The following CELF2 variants were observed in gnomAD, a reference collection of about 807,000 sequenced individuals.
CELF2 encodes the protein CUGBP Elav-like family member 2.
Under a neutral mutation model 62.6 loss-of-function variants are expected in CELF2, and 8 were observed. The ratio of observed to expected loss-of-function variants is 0.13; its 90% CI spans 0.07 to 0.23. The LOEUF is 0.23. Among genes scored for constraint, CELF2 ranks in the 10% least tolerant of loss-of-function variants. CELF2 has a pLI of 1.00. For synonymous variants in CELF2, 258 were observed against 250.0 expected, an observed-to-expected ratio of 1.03 and a Z score of -0.30; for missense variants, 333 against 671.0, an observed-to-expected ratio of 0.50 and a Z score of 5.56.
upstream of CELF2, among the ~76,000 whole-genome samples, chr10:10,797,460 T>C (rs2054213700): frequency 6.6e-6 from 1 of 152,140 alleles, no homozygotes; most frequent in Non-Finnish European, 1.5e-5. Context: ...ATAATAATTG[T>C]TTTATTTTAG....
At chr10:11,233,287 G>T (rs1027946635) in intron 3 of CELF2, among the ~76,000 whole-genome samples, 1 of 152,170 alleles carries the variant, frequency 6.6e-6, no homozygotes, top group Admixed American at 6.5e-5. Flanking sequence ...AGAAACAAAC[G>T]CTGTCTCCTA....
the CELF2 span, among the ~76,000 whole-genome samples, chr10:10,628,740 G>A: frequency 7.6e-4 from 116 of 151,958 alleles, no homozygotes; most frequent in African/African-American, 2.5e-3. Flanking sequence ...GAATAGTGCC[G>A]CAATAAATGC....
chr10:11,089,587 T>C (rs2047751806), intron 1 of CELF2, among the ~76,000 whole-genome samples: 1 of 152,152 alleles, frequency 6.6e-6, no homozygotes, highest in African/African-American at 2.4e-5. Context: ...TATATGGTCT[T>C]TGAAAGAGGT....
At chr10:10,517,174 T>A in the CELF2 span, among the ~76,000 whole-genome samples, 689 of 152,252 alleles carry the variant, frequency 4.5e-3, 4 homozygotes, top group African/African-American at 0.016. Context: ...ATTACTGGAA[T>A]CATAGACAGG....
chr10:11,073,935 A>G (rs1281395070), intron 1 of CELF2, among the ~76,000 whole-genome samples: 1 of 152,216 alleles, frequency 6.6e-6, no homozygotes, highest in Non-Finnish European at 1.5e-5. Context: ...AATTGAGAAT[A>G]TTCTTGTAAT....
At chr10:11,128,966 G>A (rs537820711) in intron 1 of CELF2, among the ~76,000 whole-genome samples, 1 of 152,322 alleles carries the variant, frequency 6.6e-6, no homozygotes, top group South Asian at 2.1e-4. Context: ...AGTTTTCAAA[G>A]GGAATGCTTC....
rs1245625992 is a variant in CELF2 at position 11,165,849 on chromosome 10, G to A, written c.271+167G>A. Reference sequence around the variant, plus strand: ...CAGGGGCTGCTCCCGACTCCTCCCCGCACCCCCGCCCGCCTGCCCGCCGGG... The same window carrying A: ...CAGGGGCTGCTCCCGACTCCTCCCCACACCCCCGCCCGCCTGCCCGCCGGG... On this transcript the variant is annotated intron_variant, in intron 2 of 12. Transcript: ENST00000633077. This position sits in a 1 kb window ranked among gnomAD's most constrained non-coding sequence, Gnocchi z 7.4. Among the ~76,000 whole-genome samples the A allele has an allele frequency of 6.6e-6, 1 of 152,140 alleles. No homozygotes were observed. Among genetic ancestry groups the A allele is most frequent in the African/African-American group, 2.4e-5 (1 of 41,440 alleles).
intron 1 of CELF2, among the ~76,000 whole-genome samples, chr10:11,121,882 G>T (rs565676513): frequency 7.9e-5 from 12 of 152,286 alleles, no homozygotes; most frequent in African/African-American, 2.6e-4. Flanking sequence ...GGAGAGTAGA[G>T]ACGATGTACA....
intron 1 of CELF2, among the ~76,000 whole-genome samples, chr10:11,032,743 A>G (rs553859025): frequency 6.6e-6 from 1 of 152,224 alleles, no homozygotes; most frequent in South Asian, 2.1e-4. Context: ...TAAATAATTG[A>G]CGAAGGTTGC....
At chr10:11,088,769 T>C (rs1042570705) in intron 1 of CELF2, among the ~76,000 whole-genome samples, 2 of 152,154 alleles carry the variant, frequency 1.3e-5, no homozygotes, top group African/African-American at 4.8e-5. Flanking sequence ...ACAGAGATGG[T>C]GGATGGCTTG....
At chr10:11,116,026 A>G (rs1348021846) in intron 1 of CELF2, among the ~76,000 whole-genome samples, 1 of 152,218 alleles carries the variant, frequency 6.6e-6, no homozygotes, top group African/African-American at 2.4e-5. Context: ...TTGGTTTCCA[A>G]ATGATAAATG....
chr10:10,914,719 A>G (rs995516735), intron 1 of CELF2, among the ~76,000 whole-genome samples: 82 of 152,342 alleles, frequency 5.4e-4, no homozygotes, highest in Non-Finnish European at 8.1e-4. Context: ...TATACAACTT[A>G]TCAGAACCAG....
chr10:11,245,302 T>C (rs2075272371), intron 3 of CELF2, among the ~76,000 whole-genome samples: 1 of 152,232 alleles, frequency 6.6e-6, no homozygotes, highest in Non-Finnish European at 1.5e-5. Context: ...ACCCATTTTT[T>C]TGTCTTCCTT....
chr10:11,190,490 A>C (rs1436346403), intron 2 of CELF2, among the ~76,000 whole-genome samples: 1 of 152,144 alleles, frequency 6.6e-6, no homozygotes, highest in Non-Finnish European at 1.5e-5. Context: ...TGAACACTAA[A>C]GGCAGAGATT....
intron 1 of CELF2, among the ~76,000 whole-genome samples, chr10:11,119,173 G>A (rs893302888): frequency 6.6e-6 from 1 of 152,216 alleles, no homozygotes; most frequent in African/African-American, 2.4e-5. Context: ...GAAGGCAGGA[G>A]GGTCTGAAGG....
the CELF2 span, among the ~76,000 whole-genome samples, chr10:10,758,511 T>C: frequency 6.6e-6 from 1 of 152,232 alleles, no homozygotes; most frequent in Non-Finnish European, 1.5e-5. Context: ...ATGATGCTGC[T>C]AGGCAAAACG....
chr10:10,868,700 G>C (rs1426382514), intron 1 of CELF2, among the ~76,000 whole-genome samples: 1 of 152,196 alleles, frequency 6.6e-6, no homozygotes, highest in East Asian at 1.9e-4. Context: ...CTGCTCTCCT[G>C]CTTTAACCTG....
the CELF2 span, among the ~76,000 whole-genome samples, chr10:10,607,119 A>G: frequency 6.6e-6 from 1 of 152,230 alleles, no homozygotes; most frequent in African/African-American, 2.4e-5. Flanking sequence ...ACCAAGAGCA[A>G]TTTTGTTTCC....
At chr10:11,144,173 G>T (rs1662243569) in intron 1 of CELF2, among the ~76,000 whole-genome samples, 1 of 152,122 alleles carries the variant, frequency 6.6e-6, no homozygotes, top group Non-Finnish European at 1.5e-5. Context: ...GACATTTGCA[G>T]CTCTGCATTT....
Sources: gnomAD v4.1 joint callset for allele counts (sites outside exome capture counted in the v4.1 genomes callset) on GRCh38, gnomAD v4.1.1 for gene constraint, Gnocchi (gnomAD v3.1) non-coding constraint, MANE v1.5 for transcripts, NCBI Gene and HGNC (gene_info 2026-07-23, HGNC 2026-07-21) for gene names.